CTNNA2: variants seen among roughly 807,000 people sequenced by gnomAD.
The protein encoded by CTNNA2 is catenin alpha-2.
In CTNNA2, 42 loss-of-function variants were observed where a neutral mutation model predicts 101.0. The ratio of observed to expected loss-of-function variants is 0.42; its 90% CI spans 0.32 to 0.54. The LOEUF is 0.54. Among genes scored for constraint, CTNNA2 ranks in the 20% least tolerant of loss-of-function variants. The probability of loss-of-function intolerance (pLI) is 0.14; values close to 1 mark genes in which losing one functional copy is unlikely to be tolerated. For synonymous variants in CTNNA2, 450 were observed against 456.4 expected, an observed-to-expected ratio of 0.99 and a Z score of 0.18; for missense variants, 871 against 1,223.1, an observed-to-expected ratio of 0.71 and a Z score of 4.29.
intron 2 of CTNNA2, among the ~76,000 whole-genome samples, chr2:79,308,243 A>G (rs1676290773): frequency 6.6e-6 from 1 of 152,064 alleles, no homozygotes; most frequent in Non-Finnish European, 1.5e-5. Context: ...ACAGGGTTTC[A>G]TCATGTTGGC....
rs188152353 is a variant in CTNNA2, at chr2:80,247,529, G to A, written c.1057-145682G>A. On this transcript the variant is annotated intron_variant, in intron 7 of 18. Coordinates refer to ENST00000402739, the MANE Select transcript of CTNNA2 (RefSeq NM_001282597.3). ...TTAAAGGATGTCAGTGAGCCAGACCGGTAGCTTATCTCCAACAAGTCTATC... is the reference window on the plus strand; with the variant it reads ...TTAAAGGATGTCAGTGAGCCAGACCAGTAGCTTATCTCCAACAAGTCTATC... Among the ~76,000 whole-genome samples the A allele has an allele frequency of 7.1e-3, 1,081 of 152,238 alleles. 9 individuals carry two copies. The highest frequency in any genetic ancestry group is 0.01 in the Non-Finnish European group (713 of 68,020).
At chr2:79,916,922 T>C (rs1176698182) in intron 7 of CTNNA2, among the ~76,000 whole-genome samples, 1 of 150,986 alleles carries the variant, frequency 6.6e-6, no homozygotes, top group African/African-American at 2.4e-5. Flanking sequence ...TGTGCCCAGC[T>C]TTTTTTGTTT....
At chr2:80,016,290 C>A (rs773029761) in intron 7 of CTNNA2, among the ~76,000 whole-genome samples, 3 of 152,128 alleles carry the variant, frequency 2.0e-5, no homozygotes, top group Non-Finnish European at 1.5e-5. Context: ...GCTATGGAGT[C>A]TAGTTAGAGA....
intron 7 of CTNNA2, among the ~76,000 whole-genome samples, chr2:80,126,927 T>G (rs1573161336): frequency 6.6e-6 from 1 of 151,934 alleles, no homozygotes; most frequent in Non-Finnish European, 1.5e-5. Flanking sequence ...GAGGAGGAGG[T>G]GTAGGAATGG....
At chr2:79,931,226 A>T (rs1687418701) in intron 7 of CTNNA2, among the ~76,000 whole-genome samples, 1 of 152,202 alleles carries the variant, frequency 6.6e-6, no homozygotes. Flanking sequence ...CTCACCAATA[A>T]GTTGTAGTTT....
At chr2:80,594,736 A>G (rs990809260) in intron 15 of CTNNA2, among the ~76,000 whole-genome samples, 5 of 152,074 alleles carry the variant, frequency 3.3e-5, no homozygotes, top group African/African-American at 4.8e-5. Flanking sequence ...CAGTTTTACC[A>G]GCACCATTTA....
chr2:79,961,685 G>A (rs1267719829), intron 7 of CTNNA2, among the ~76,000 whole-genome samples: 1 of 152,060 alleles, frequency 6.6e-6, no homozygotes, highest in Non-Finnish European at 1.5e-5. Context: ...AGCCGGGCGT[G>A]GTGGCGGGCG....
intron 9 of CTNNA2, among the ~76,000 whole-genome samples, chr2:80,455,117 G>T (rs766005691): frequency 6.6e-5 from 10 of 152,234 alleles, no homozygotes; most frequent in Non-Finnish European, 1.5e-4. Flanking sequence ...TGTCAGGGCT[G>T]GCAAACAAAT....
intron 3 of CTNNA2, chr2:79,339,610 T>C (rs1677084173): frequency 6.6e-6 from 1 of 152,238 alleles, no homozygotes; most frequent in South Asian, 2.1e-4. Context: ...ACGTCCACTT[T>C]ACAGATGATG....
intron 9 of CTNNA2, among the ~76,000 whole-genome samples, chr2:80,528,548 G>A (rs1411249545): frequency 6.6e-6 from 1 of 152,092 alleles, no homozygotes. Context: ...CTACTGGCCT[G>A]TGGACAATGC....
At chr2:79,665,012 A>C (rs1384220567) in intron 2 of CTNNA2, among the ~76,000 whole-genome samples, 1 of 151,958 alleles carries the variant, frequency 6.6e-6, no homozygotes, top group East Asian at 1.9e-4. Context: ...TTCCCGGCCC[A>C]CATTCTTCTT....
intron 4 of CTNNA2, among the ~76,000 whole-genome samples, chr2:79,495,377 A>G (rs1671245903): frequency 6.6e-6 from 1 of 152,232 alleles, no homozygotes; most frequent in South Asian, 2.1e-4. Flanking sequence ...AAAGATGCTT[A>G]TCATCATCCA....
chr2:79,720,081 G>A (rs561430978), intron 2 of CTNNA2, among the ~76,000 whole-genome samples: 2 of 152,220 alleles, frequency 1.3e-5, no homozygotes, highest in East Asian at 3.9e-4. Context: ...GTGGTGAAAG[G>A]TGAGAGTCCA....
At chr2:79,854,009 C>T (rs967741884) in intron 3 of CTNNA2, among the ~76,000 whole-genome samples, 6 of 152,138 alleles carry the variant, frequency 3.9e-5, no homozygotes, top group Admixed American at 3.9e-4. Flanking sequence ...TGGCATGCAT[C>T]ATTCCACATT....
intron 9 of CTNNA2, among the ~76,000 whole-genome samples, chr2:80,451,255 G>A (rs1683482869): frequency 6.6e-6 from 1 of 152,098 alleles, no homozygotes; most frequent in Non-Finnish European, 1.5e-5. Context: ...ATTGAATCAT[G>A]AGGGCAGTTA....
chr2:80,259,674 T>C (rs990256766), intron 7 of CTNNA2, among the ~76,000 whole-genome samples: 5 of 152,218 alleles, frequency 3.3e-5, no homozygotes, highest in Admixed American at 6.5e-5. Context: ...TTTACTACAA[T>C]GTTGTCTCAA....
intron 6 of CTNNA2, among the ~76,000 whole-genome samples, chr2:79,892,054 T>A (rs956944698): frequency 1.3e-5 from 2 of 152,112 alleles, no homozygotes; most frequent in African/African-American, 4.8e-5. Context: ...TTTTATCATA[T>A]TGGCTTGTCA....
chr2:79,260,287 A>G (rs997874003), intron 2 of CTNNA2, among the ~76,000 whole-genome samples: 3 of 152,166 alleles, frequency 2.0e-5, no homozygotes, highest in Admixed American at 6.5e-5. Context: ...CTCCTTGCAC[A>G]GAATGAAGCA....
At chr2:79,472,914 A>G (rs1671014790) in intron 4 of CTNNA2, among the ~76,000 whole-genome samples, 1 of 152,190 alleles carries the variant, frequency 6.6e-6, no homozygotes, top group Non-Finnish European at 1.5e-5. Flanking sequence ...ATACATTTTT[A>G]TTGCTTTCAA....
Sources: allele counts gnomAD v4.1 joint callset (sites outside exome capture counted in the v4.1 genomes callset), GRCh38; gene constraint gnomAD v4.1.1; transcripts MANE v1.5; gene names NCBI Gene and HGNC (gene_info 2026-07-23, HGNC 2026-07-21).